The following SP6 variants were observed in gnomAD, a reference collection of about 807,000 sequenced individuals.
The protein encoded by SP6 is transcription factor Sp6.
In SP6, 10 loss-of-function variants were observed where a neutral mutation model predicts 23.4. The ratio of observed to expected loss-of-function variants is 0.43; its 90% CI spans 0.26 to 0.72. SP6 has a LOEUF of 0.72. SP6 is among the 30% of genes least tolerant of loss of function. SP6 has a pLI of 0.23. For missense variants in SP6, 482 were observed against 523.8 expected (o/e 0.92, Z 0.78); for synonymous variants, 238 against 238.7 (o/e 1.00, Z 0.03).
At chr17:47,865,685 T>C in the SP6 span, among the ~76,000 whole-genome samples, 4 of 152,304 alleles carry the variant, frequency 2.6e-5, no homozygotes, top group East Asian at 7.7e-4. Context: ...TGGGGACTTT[T>C]GTTAGCACCT....
the SP6 span, among the ~76,000 whole-genome samples, chr17:47,875,279 C>A: frequency 6.6e-6 from 1 of 152,190 alleles, no homozygotes; most frequent in Non-Finnish European, 1.5e-5. Context: ...CTGCCCTATA[C>A]CATCAGAGCT....
chr17:47,854,751 C>T (rs1317351556), upstream of SP6, among the ~76,000 whole-genome samples: 7 of 152,188 alleles, frequency 4.6e-5, no homozygotes, highest in Admixed American at 4.6e-4. Context: ...TCCAAGCCCT[C>T]GTTTTACTGG....
upstream of SP6, among the ~76,000 whole-genome samples, chr17:47,852,740 C>T (rs8080650): frequency 0.32 from 48,723 of 151,748 alleles, 8,659 homozygotes; most frequent in Non-Finnish European, 0.41. Flanking sequence ...GACACGCACA[C>T]GTTCTTATCC....
At chr17:47,854,441 C>T (rs1015870911), upstream of SP6, among the ~76,000 whole-genome samples, 2 of 152,198 alleles carry the variant, frequency 1.3e-5, no homozygotes, top group Non-Finnish European at 2.9e-5. Flanking sequence ...AAACTGAGTT[C>T]AGATCTCTCA....
chr17:47,858,851 T>C (rs1018623573), upstream of SP6, among the ~76,000 whole-genome samples: 5 of 138,930 alleles, frequency 3.6e-5, no homozygotes, highest in Middle Eastern at 3.5e-3. Flanking sequence ...CTTGGCTCAC[T>C]GCAACCTCAG....
chr17:47,857,436 C>T (rs1478323810), upstream of SP6, among the ~76,000 whole-genome samples: 1 of 152,218 alleles, frequency 6.6e-6, no homozygotes, highest in African/African-American at 2.4e-5. Context: ...CATACAAATT[C>T]TTTCAATCGG....
the SP6 span, among the ~76,000 whole-genome samples, chr17:47,869,503 C>A: frequency 2.6e-5 from 4 of 152,172 alleles, no homozygotes; most frequent in African/African-American, 9.7e-5. Context: ...GAGTTTGACA[C>A]CCAAAGGGGG....
the SP6 span, among the ~76,000 whole-genome samples, chr17:47,866,598 G>A: frequency 3.3e-5 from 5 of 152,192 alleles, no homozygotes; most frequent in Admixed American, 6.5e-5. Context: ...CTGCCGGACC[G>A]GAGTAGCCAG....
At chr17:47,850,535 T>G (rs890187890) in intron 1 of SP6, among the ~76,000 whole-genome samples, 1 of 152,180 alleles carries the variant, frequency 6.6e-6, no homozygotes, top group African/African-American at 2.4e-5. Context: ...TCCGGTTCAC[T>G]TCCAGGCCTA....
At position 47,848,447 on chromosome 17, in the gene SP6, G is replaced by C. The variant is rs1284953223; in HGVS notation, c.-18C>G. 6.7e-7 allele frequency: 1 copy of C among 1,489,592 alleles called. No homozygotes were observed. The highest frequency in any genetic ancestry group is 1.4e-5 in the African/African-American group (1 of 71,454). The allele number at this position is 1,489,592 out of a possible 1,614,324, so 92.3% of individuals were successfully genotyped here. On this transcript the variant is annotated 5_prime_UTR_variant, in exon 2 of 2. Coordinates refer to ENST00000536300, the MANE Select transcript of SP6 (RefSeq NM_001258248.2). This position sits in a 1 kb window ranked among gnomAD's most constrained non-coding sequence, Gnocchi z 5.3. ...GTTAGCATTGCCGGGATCCGGGGTG[G>C]GGTGAGGGCAGGGACGGTCAGGGGC...
the SP6 span, among the ~76,000 whole-genome samples, chr17:47,872,722 C>T: frequency 6.6e-6 from 1 of 152,230 alleles, no homozygotes; most frequent in Non-Finnish European, 1.5e-5. Flanking sequence ...AGACCCCTCT[C>T]ACCAGCCCCC....
rs779917867 is a variant in SP6 at position 47,847,933 on chromosome 17, G to A, written c.497C>T (p.Pro166Leu). 3 of 1,568,316 alleles carry A rather than the reference G, an allele frequency of 1.9e-6. No individual in the cohort carries two copies. The highest frequency in any genetic ancestry group is 2.6e-6 in the Non-Finnish European group (3 of 1,156,918). ...VGDHQLCAPP[P>L]HPHAHHLLPA... ...AAGGAGGTGGTGCGCATGCGGGTGG[G>A]GTGGCGGGGCACAAAGCTGGTGGTC... is the stretch of plus-strand genomic sequence containing the variant. Residue 166 changes from proline to leucine, a missense_variant, in exon 2 of 2, where the codon CCC becomes CTC. Around this residue, in one of 3 missense-constraint regions of SP6, gnomAD observed 330 missense variants for 332.3 expected, o/e 0.99. Transcript: ENST00000536300.
At chr17:47,849,487 C>A (rs79685459) in intron 1 of SP6, among the ~76,000 whole-genome samples, 148 of 152,314 alleles carry the variant, frequency 9.7e-4, no homozygotes, top group South Asian at 1.9e-3. Context: ...TAAGCAAGTG[C>A]ATCCTAGGCA....
rs779038548 is a variant in SP6 at position 47,848,145 on chromosome 17, G to A, written c.285C>T (p.Leu95=). Residue 95 remains leucine (L), a synonymous_variant, in exon 2 of 2, where the codon CTC becomes CTT. Transcript: ENST00000536300. The surrounding 1 kb of genome is among the most constrained non-coding windows in gnomAD (Gnocchi z 5.3). Reference sequence around the variant, plus strand: ...AATGGTGTGACATGTCCGGCTGCAGGAGCTTGGAAAAGGGGCCCGGGGCCA... The same window carrying A: ...AATGGTGTGACATGTCCGGCTGCAGAAGCTTGGAAAAGGGGCCCGGGGCCA... ...SPLAPGPFSK[L]LQPDMSHHYE... is the part of the protein sequence containing the mutation. 133 of 1,613,438 alleles carry A rather than the reference G, an allele frequency of 8.2e-5. No individual in the cohort carries two copies. Among genetic ancestry groups the A allele is most frequent in the Non-Finnish European group, 1.1e-4 (129 of 1,180,000 alleles).
upstream of SP6, among the ~76,000 whole-genome samples, chr17:47,857,773 G>C (rs1206039307): frequency 6.6e-6 from 1 of 152,176 alleles, no homozygotes; most frequent in Non-Finnish European, 1.5e-5. Context: ...TGGAGTGGGG[G>C]GCGGGACTGC....
chr17:47,849,886 C>T (rs2033936747), intron 1 of SP6, among the ~76,000 whole-genome samples: 1 of 152,110 alleles, frequency 6.6e-6, no homozygotes, highest in Non-Finnish European at 1.5e-5. Context: ...GGGAGGAGAC[C>T]AGTGACTTAG....
chr17:47,874,798 A>T, the SP6 span, among the ~76,000 whole-genome samples: 1 of 152,140 alleles, frequency 6.6e-6, no homozygotes, highest in Admixed American at 6.5e-5. Context: ...GCAAGAACAC[A>T]GGCTGCATCT....
the SP6 span, among the ~76,000 whole-genome samples, chr17:47,875,765 C>G: frequency 6.6e-6 from 1 of 152,216 alleles, no homozygotes; most frequent in African/African-American, 2.4e-5. Flanking sequence ...CTTTCCAGGG[C>G]CACTGACCTG....
At position 47,845,908 on chromosome 17, in the gene SP6, C is replaced by G. The variant is rs1460220971; in HGVS notation, c.*1391G>C. ...CTGCAAGGGCTGTGGCCTGTCAGAC[C>G]CTTCCTCATATCAGCTTCTTTCCCC... On this transcript the variant is annotated 3_prime_UTR_variant, in exon 2 of 2. Transcript: ENST00000536300. The G allele has an allele frequency of 6.6e-6, 1 of 152,140 alleles. No homozygotes were observed. Among genetic ancestry groups the G allele is most frequent in the African/African-American group, 2.4e-5 (1 of 41,404 alleles). The allele number at this position is 152,140 out of a possible 1,614,324, so 9.4% of individuals were successfully genotyped here.
Sources: gnomAD v4.1 joint callset for allele counts (sites outside exome capture counted in the v4.1 genomes callset) on GRCh38, gnomAD v4.1.1 for gene constraint, gnomAD v4.1.1 regional missense constraint, Gnocchi (gnomAD v3.1) non-coding constraint, MANE v1.5 for transcripts, NCBI Gene and HGNC (gene_info 2026-07-23, HGNC 2026-07-21) for gene names.